UNC5B: variants seen among roughly 807,000 people sequenced by gnomAD.
UNC5B encodes netrin receptor UNC5B.
UNC5B carries 56 observed loss-of-function variants against 103.7 expected under a neutral mutation model. The observed-to-expected ratio is 0.54, with a 90% CI of 0.44 to 0.67. UNC5B has a LOEUF of 0.67. Among genes scored for constraint, UNC5B ranks in the 30% least tolerant of loss-of-function variants. The probability of loss-of-function intolerance (pLI) is 0.00; values close to 1 mark genes in which losing one functional copy is unlikely to be tolerated. For missense variants in UNC5B, 1,194 were observed against 1,284.5 expected (o/e 0.93, Z 1.08); for synonymous variants, 577 against 542.0 (o/e 1.06, Z -0.90).
Position 71,299,603 on chromosome 10 carries a change from C to G in UNC5B, c.*326C>G, listed in dbSNP as rs1034982869. ...GCAGGAGGCCCTCCCTCCACCCCCC[C>G]ACCCTCAGCCCGGCAACTTCTGGGT... On this transcript the variant is annotated 3_prime_UTR_variant, in exon 17 of 17. Coordinates refer to ENST00000335350, the MANE Select transcript of UNC5B (RefSeq NM_170744.5). 1 of 266,460 alleles carries G rather than the reference C, an allele frequency of 3.8e-6. No homozygotes were observed. The highest frequency in any genetic ancestry group is 4.8e-5 in the Admixed American group (1 of 20,914). The allele number at this position is 266,460 out of a possible 1,614,324, so 16.5% of individuals were successfully genotyped here.
At chr10:71,225,923 C>A (rs920068442) in intron 1 of UNC5B, among the ~76,000 whole-genome samples, 2 of 152,112 alleles carry the variant, frequency 1.3e-5, no homozygotes, top group Non-Finnish European at 2.9e-5. Flanking sequence ...GCCCCTCACA[C>A]GGCTCCTCTG....
In UNC5B at chr10:71,287,595, C is replaced by G; in HGVS notation, c.734-3C>G. On this transcript the variant is annotated splice_polypyrimidine_tract_variant and splice_region_variant and intron_variant, in intron 5 of 16. Transcript: ENST00000335350. Reference sequence around the variant, plus strand: ...CATCCAGTTGACAGCTGCCGCCTTGCAGTGAATGGCGGCTGGTCCAGCTGG... The same window carrying G: ...CATCCAGTTGACAGCTGCCGCCTTGGAGTGAATGGCGGCTGGTCCAGCTGG... 1 of 1,593,108 alleles carries G rather than the reference C, an allele frequency of 6.3e-7. No homozygotes were observed.
In UNC5B at chr10:71,299,219, TGGA is replaced by T. The variant is rs1845525905; in HGVS notation, c.2785_2787del (p.Glu929del). 2 of 1,614,080 alleles carry T rather than the reference TGGA, an allele frequency of 1.2e-6. No individual in the cohort carries two copies. The highest frequency in any genetic ancestry group is 1.6e-4 in the Middle Eastern group (1 of 6,084). Reference sequence around the variant, plus strand: ...GACCTCAACAGCCTGGCGAGTGCCTTGGAGGAGATGGGCAAGAGTGAGATGCTG... The same window carrying T: ...GACCTCAACAGCCTGGCGAGTGCCTTGGAGATGGGCAAGAGTGAGATGCTG... On this transcript the variant is annotated inframe_deletion, in exon 17 of 17. Transcript: ENST00000335350.
chr10:71,222,176 G>A (rs925230982), intron 1 of UNC5B, among the ~76,000 whole-genome samples: 4 of 152,168 alleles, frequency 2.6e-5, no homozygotes, highest in African/African-American at 9.7e-5. Flanking sequence ...TAAATGGAGA[G>A]TGTGGCCCTG....
At chr10:71,283,056 G>C (rs1023478791) in intron 2 of UNC5B, among the ~76,000 whole-genome samples, 2 of 152,128 alleles carry the variant, frequency 1.3e-5, no homozygotes, top group African/African-American at 4.8e-5. Flanking sequence ...GGAGGCGGAG[G>C]TTGCAGTGAG....
At chr10:71,269,676 C>G in intron 1 of UNC5B, among the ~76,000 whole-genome samples, 1 of 152,090 alleles carries the variant, frequency 6.6e-6, no homozygotes, top group African/African-American at 2.4e-5. Flanking sequence ...ACAAGATTCC[C>G]AGGCCCTCAA....
At chr10:71,297,340 A>G (rs993736625) in intron 15 of UNC5B, among the ~76,000 whole-genome samples, 1 of 152,276 alleles carries the variant, frequency 6.6e-6, no homozygotes, top group Non-Finnish European at 1.5e-5. Flanking sequence ...AGGAAGGGCA[A>G]GGATTTGCAC....
chr10:71,223,634 G>C (rs963162464), intron 1 of UNC5B, among the ~76,000 whole-genome samples: 1 of 152,148 alleles, frequency 6.6e-6, no homozygotes, highest in Non-Finnish European at 1.5e-5. Context: ...AAGTAGACTG[G>C]CAGACACTTG....
intron 9 of UNC5B, 124 bp from the exon 10 acceptor site, chr10:71,291,308 A>C (rs1845248514): frequency 6.9e-7 from 1 of 1,459,614 alleles, no homozygotes. Flanking sequence ...GGATTCCCAA[A>C]GCTTCCTGCA....
intron 1 of UNC5B, among the ~76,000 whole-genome samples, chr10:71,267,892 A>G (rs2132287205): frequency 6.6e-6 from 1 of 152,362 alleles, no homozygotes; most frequent in Middle Eastern, 3.4e-3. Context: ...CATGGCCTGC[A>G]TGCCAGGATG....
intron 1 of UNC5B, chr10:71,217,937 G>C (rs1843368426): frequency 6.6e-6 from 1 of 152,264 alleles, no homozygotes; most frequent in Non-Finnish European, 1.5e-5. Context: ...GTGAGTGCAC[G>C]GAGCCGCCCT....
intron 1 of UNC5B, among the ~76,000 whole-genome samples, chr10:71,221,520 A>G (rs1843452771): frequency 6.6e-6 from 1 of 152,202 alleles, no homozygotes; most frequent in Admixed American, 6.5e-5. Context: ...CTAAAACCTG[A>G]TGCACATGCC....
At chr10:71,295,677 G>A in intron 13 of UNC5B, 134 bp from the exon 14 acceptor site, 1 of 1,004,420 alleles carries the variant, frequency 1.0e-6, no homozygotes, top group Non-Finnish European at 1.5e-6. Flanking sequence ...CACACCATAA[G>A]CCCTCTGTGA....
intron 1 of UNC5B, among the ~76,000 whole-genome samples, chr10:71,215,840 T>C (rs1232342107): frequency 2.8e-5 from 4 of 144,186 alleles, no homozygotes; most frequent in Non-Finnish European, 6.2e-5. Context: ...TGTGTGTGTG[T>C]GTGCTCGCGT....
chr10:71,253,104 C>G (rs1464867583), intron 1 of UNC5B, among the ~76,000 whole-genome samples: 1 of 152,218 alleles, frequency 6.6e-6, no homozygotes, highest in Non-Finnish European at 1.5e-5. Context: ...ATCCTCCCCT[C>G]ATTTCCACAC....
chr10:71,275,607 C>T (rs778910409), intron 1 of UNC5B, among the ~76,000 whole-genome samples: 10 of 152,152 alleles, frequency 6.6e-5, no homozygotes, highest in Non-Finnish European at 1.0e-4. Context: ...TGCCCCCTAG[C>T]GGTGCCACTT....
chr10:71,245,353 G>A (rs372330985), intron 1 of UNC5B, among the ~76,000 whole-genome samples: 4 of 152,174 alleles, frequency 2.6e-5, no homozygotes, highest in East Asian at 1.9e-4. Flanking sequence ...CTACATTCGC[G>A]TTTACCGTGA....
At position 71,213,598 on chromosome 10, in the gene UNC5B, A is replaced by C. The variant is rs1217046982; in HGVS notation, c.79+534A>C. Among the ~76,000 whole-genome samples, 2 of 152,014 alleles carry C rather than the reference A, an allele frequency of 1.3e-5. No individual in the cohort carries two copies. Among genetic ancestry groups the C allele is most frequent in the Non-Finnish European group, 1.5e-5 (1 of 68,012 alleles). ...CGGTAGCCTCGGCAGGCCGGCTTGC[A>C]GGGCTCCTGAAGCGGGGAGGGCTAA... On this transcript the variant is annotated intron_variant, in intron 1 of 16. Coordinates refer to ENST00000335350, the MANE Select transcript of UNC5B (RefSeq NM_170744.5). This position sits in a 1 kb window ranked among gnomAD's most constrained non-coding sequence, Gnocchi z 4.1.
At chr10:71,267,524 GGGCACT>G (rs987341084) in intron 1 of UNC5B, among the ~76,000 whole-genome samples, 32 of 152,182 alleles carry the variant, frequency 2.1e-4, no homozygotes, top group African/African-American at 7.7e-4. Flanking sequence ...GAGGCAGACT[GGGCACT>G]GGTCTAAGAA....
Sources: allele counts gnomAD v4.1 joint callset (sites outside exome capture counted in the v4.1 genomes callset), GRCh38; gene constraint gnomAD v4.1.1; non-coding constraint Gnocchi (gnomAD v3.1); transcripts MANE v1.5; gene names NCBI Gene and HGNC (gene_info 2026-07-23, HGNC 2026-07-21).